Variants in ATAD2B observed in about 807,000 individuals in gnomAD.
ATAD2B encodes the protein ATPase family AAA domain containing 2B, also known as ATPase family AAA domain-containing protein 2B.
A neutral mutation model predicts 167.6 loss-of-function variants in ATAD2B; 40 were observed. The ratio of observed to expected loss-of-function variants is 0.24; its 90% CI spans 0.19 to 0.31. The LOEUF is 0.31. Among genes scored for constraint, ATAD2B ranks in the 10% least tolerant of loss-of-function variants. ATAD2B has a pLI of 1.00. For synonymous variants in ATAD2B, 579 were observed against 596.5 expected, an observed-to-expected ratio of 0.97 and a Z score of 0.43; for missense variants, 1,242 against 1,757.2, an observed-to-expected ratio of 0.71 and a Z score of 5.24.
chr2:23,902,803 C>G (rs1173004746), intron 1 of ATAD2B, among the ~76,000 whole-genome samples: 1 of 152,158 alleles, frequency 6.6e-6, no homozygotes, highest in Non-Finnish European at 1.5e-5. Flanking sequence ...CAGTGGCTCA[C>G]ACCTGTAATC....
At chr2:23,894,504 T>C (rs1699940751) in intron 2 of ATAD2B, among the ~76,000 whole-genome samples, 2 of 150,186 alleles carry the variant, frequency 1.3e-5, no homozygotes, top group South Asian at 2.1e-4. Flanking sequence ...AATATCAAGA[T>C]CAATTTACAT....
At chr2:23,742,968 C>T in the ATAD2B span, among the ~76,000 whole-genome samples, 1 of 151,870 alleles carries the variant, frequency 6.6e-6, no homozygotes, top group Non-Finnish European at 1.5e-5. Context: ...CTGTGAAATT[C>T]CAGAGCATCA....
the ATAD2B span, among the ~76,000 whole-genome samples, chr2:23,722,957 G>A: frequency 6.6e-6 from 1 of 152,040 alleles, no homozygotes; most frequent in African/African-American, 2.4e-5. Flanking sequence ...ACAAGGAACT[G>A]GAAACATCTT....
At chr2:23,711,100 T>C in the ATAD2B span, among the ~76,000 whole-genome samples, 1 of 152,170 alleles carries the variant, frequency 6.6e-6, no homozygotes, top group East Asian at 1.9e-4. Context: ...TGTGGGTATG[T>C]GATACACATA....
intron 14 of ATAD2B, among the ~76,000 whole-genome samples, chr2:23,830,196 C>T (rs1424219855): frequency 6.6e-6 from 1 of 152,098 alleles, no homozygotes; most frequent in Non-Finnish European, 1.5e-5. Context: ...GTTGGCCAGG[C>T]TGGTCTTGAA....
intron 1 of ATAD2B, among the ~76,000 whole-genome samples, chr2:23,909,044 G>T (rs1701880995): frequency 6.6e-6 from 1 of 151,016 alleles, no homozygotes; most frequent in Non-Finnish European, 1.5e-5. Flanking sequence ...TGACGAGTTA[G>T]TGGGTGCAGC....
At chr2:23,850,125 C>T (rs1466211354) in intron 13 of ATAD2B, among the ~76,000 whole-genome samples, 1 of 105,152 alleles carries the variant, frequency 9.5e-6, no homozygotes, top group African/African-American at 3.8e-5. Flanking sequence ...GGCAACAGAG[C>T]AAGACTCCGT....
chr2:23,738,573 T>C, the ATAD2B span, among the ~76,000 whole-genome samples: 5 of 152,156 alleles, frequency 3.3e-5, no homozygotes, highest in Non-Finnish European at 4.4e-5. Context: ...AAGGAACAAC[T>C]GGTACCAGCC....
intron 13 of ATAD2B, among the ~76,000 whole-genome samples, chr2:23,837,068 C>G (rs1690104834): frequency 6.6e-6 from 1 of 152,188 alleles, no homozygotes; most frequent in Admixed American, 6.5e-5. Context: ...CTGTTCGTGC[C>G]AAGGGGCACC....
At chr2:23,780,236 A>T (rs533900365) in intron 22 of ATAD2B, among the ~76,000 whole-genome samples, 9,722 of 151,268 alleles carry the variant, frequency 0.064, 400 homozygotes, top group African/African-American at 0.12. Context: ...CAACAGAACA[A>T]GATGCTGTCT....
rs571655518 is a variant in ATAD2B at position 23,916,080 on chromosome 2, T to C, written c.216+10475A>G. On this transcript the variant is annotated intron_variant, in intron 1 of 27. Coordinates refer to ENST00000238789, the MANE Select transcript of ATAD2B (RefSeq NM_017552.4). The stretch of plus-strand genomic sequence containing the variant: ...TAGTTTTATACCTTCTGTTACAATC[T>C]CAACCTAAGATCTCTTACAGACAAA... 1.2e-4 allele frequency among the ~76,000 whole-genome samples: 18 copies of C among 152,340 alleles called. No homozygotes were observed. In the East Asian group the frequency reaches 3.5e-3, roughly 29 times the overall value.
chr2:23,904,428 GGAGCAAGTGGT>G (rs2150449149), intron 1 of ATAD2B, among the ~76,000 whole-genome samples: 1 of 152,198 alleles, frequency 6.6e-6, no homozygotes, highest in East Asian at 1.9e-4. Flanking sequence ...GGTGAATAAT[GGAGCAAGTGGT>G]GAGCAAGTAC....
intron 12 of ATAD2B, among the ~76,000 whole-genome samples, chr2:23,862,736 A>G (rs17762102): frequency 0.12 from 18,638 of 152,224 alleles, 1,225 homozygotes; most frequent in Middle Eastern, 0.22. Flanking sequence ...GCTCATGAAA[A>G]TAACACACTA....
the ATAD2B span, among the ~76,000 whole-genome samples, chr2:23,683,769 G>T: frequency 6.6e-6 from 1 of 152,224 alleles, no homozygotes; most frequent in South Asian, 2.1e-4. Context: ...GGCGCAGAGG[G>T]TCCCTGTCCC....
downstream of ATAD2B, among the ~76,000 whole-genome samples, chr2:23,748,106 T>C (rs1675000093): frequency 6.6e-6 from 1 of 152,148 alleles, no homozygotes; most frequent in Non-Finnish European, 1.5e-5. Flanking sequence ...AATCCATCTT[T>C]TTTACTGTGA....
chr2:23,911,694 A>G (rs931185466), intron 1 of ATAD2B, among the ~76,000 whole-genome samples: 1 of 152,064 alleles, frequency 6.6e-6, no homozygotes, highest in Non-Finnish European at 1.5e-5. Flanking sequence ...CGTATAACTT[A>G]AAACCAGCAG....
At chr2:23,774,686 G>A (rs1200988182) in intron 22 of ATAD2B, among the ~76,000 whole-genome samples, 1 of 152,110 alleles carries the variant, frequency 6.6e-6, no homozygotes, top group Non-Finnish European at 1.5e-5. Context: ...GATCACCTGA[G>A]GACAGGAGTT....
the ATAD2B span, among the ~76,000 whole-genome samples, chr2:23,681,814 G>A: frequency 2.0e-5 from 3 of 152,170 alleles, no homozygotes; most frequent in East Asian, 1.9e-4. The surrounding 1 kb of genome is among the most constrained non-coding windows in gnomAD (Gnocchi z 4.2). Context: ...TACCTGGCTC[G>A]TGGTTTGGGC....
chr2:23,899,552 T>C (rs903705400), intron 1 of ATAD2B, among the ~76,000 whole-genome samples: 1 of 152,184 alleles, frequency 6.6e-6, no homozygotes, highest in African/African-American at 2.4e-5. Flanking sequence ...GTCACCATAC[T>C]ATACTCAAAT....
Sources: gnomAD v4.1 joint callset for allele counts (sites outside exome capture counted in the v4.1 genomes callset) on GRCh38, gnomAD v4.1.1 for gene constraint, Gnocchi (gnomAD v3.1) non-coding constraint, MANE v1.5 for transcripts, NCBI Gene and HGNC (gene_info 2026-07-23, HGNC 2026-07-21) for gene names.